Variants in SIL1 observed in about 807,000 individuals in gnomAD.
SIL1 encodes nucleotide exchange factor SIL1.
In SIL1, 40 loss-of-function variants were observed where a neutral mutation model predicts 49.1. The ratio of observed to expected loss-of-function variants is 0.81; its 90% CI spans 0.63 to 1.06. SIL1 has a LOEUF of 1.06. Among genes scored for constraint, SIL1 ranks in the 50% least tolerant of loss-of-function variants. SIL1 has a pLI of 0.00. For missense variants in SIL1, 500 were observed against 572.6 expected (o/e 0.87, Z 1.29); for synonymous variants, 253 against 250.8 (o/e 1.01, Z -0.08).
intron 3 of SIL1, among the ~76,000 whole-genome samples, chr5:139,052,641 G>A (rs1328653863): frequency 2.6e-5 from 4 of 152,136 alleles, no homozygotes; most frequent in Middle Eastern, 6.8e-3. Flanking sequence ...CCAAGATCAC[G>A]CCACTGCACT....
intron 3 of SIL1, among the ~76,000 whole-genome samples, chr5:139,081,621 G>A (rs945846488): frequency 1.3e-5 from 2 of 152,322 alleles, no homozygotes; most frequent in South Asian, 2.1e-4. Flanking sequence ...GCTCACACCT[G>A]TAATCCCAGC....
chr5:139,035,602 A>C, intron 5 of SIL1: 1 of 361,964 alleles, frequency 2.8e-6, no homozygotes, highest in Non-Finnish European at 5.3e-6. Context: ...CAGCACAGAC[A>C]TGGCGCCCAT....
At chr5:139,164,120 A>AC (rs1038159951) in intron 1 of SIL1, among the ~76,000 whole-genome samples, 1 of 151,740 alleles carries the variant, frequency 6.6e-6, no homozygotes, top group African/African-American at 2.4e-5. Context: ...ATGTCTCAAA[A>AC]AAAAAAAAAA....
At chr5:139,031,185 A>T (rs1410243314) in intron 5 of SIL1, among the ~76,000 whole-genome samples, 3 of 152,164 alleles carry the variant, frequency 2.0e-5, no homozygotes, top group African/African-American at 7.2e-5. Context: ...ATGTCATAAG[A>T]ACTCTTTACC....
intron 3 of SIL1, among the ~76,000 whole-genome samples, chr5:139,062,566 C>G (rs1769616130): frequency 6.6e-6 from 1 of 152,184 alleles, no homozygotes; most frequent in Non-Finnish European, 1.5e-5. Context: ...AAAATCTCAT[C>G]CACAGCACCC....
intron 3 of SIL1, among the ~76,000 whole-genome samples, chr5:139,105,450 T>C (rs78584700): frequency 8.9e-4 from 135 of 152,294 alleles, no homozygotes; most frequent in African/African-American, 1.1e-3. Flanking sequence ...CTCACTGCAA[T>C]TGCAGAAATC....
chr5:139,170,306 G>A (rs1189367084), intron 1 of SIL1, among the ~76,000 whole-genome samples: 1 of 152,062 alleles, frequency 6.6e-6, no homozygotes, highest in Admixed American at 6.6e-5. Context: ...GGGAAGTGAG[G>A]AGCGTCTCTG....
intron 3 of SIL1, among the ~76,000 whole-genome samples, chr5:139,057,964 A>G (rs1646065844): frequency 6.6e-6 from 1 of 152,014 alleles, no homozygotes. Flanking sequence ...TGACCTCATC[A>G]CCTCCTAAAG....
intron 7 of SIL1, among the ~76,000 whole-genome samples, chr5:139,009,822 CGA>C (rs1297757406): frequency 7.4e-6 from 1 of 135,938 alleles, no homozygotes; most frequent in African/African-American, 2.7e-5. Context: ...GGGTTTCTGC[CGA>C]GAGATCCGCT....
At chr5:139,165,819 C>T (rs541447846) in intron 1 of SIL1, among the ~76,000 whole-genome samples, 14 of 151,362 alleles carry the variant, frequency 9.2e-5, no homozygotes, top group African/African-American at 2.9e-4. Context: ...CCACCATGCC[C>T]GGCTAATTTT....
At chr5:139,098,021 A>G (rs1175468018) in intron 3 of SIL1, among the ~76,000 whole-genome samples, 1 of 152,214 alleles carries the variant, frequency 6.6e-6, no homozygotes, top group Non-Finnish European at 1.5e-5. Context: ...CATAGTACCC[A>G]AAGCAATCTA....
chr5:139,118,049 G>A (rs946857931), intron 3 of SIL1, among the ~76,000 whole-genome samples: 3 of 152,104 alleles, frequency 2.0e-5, no homozygotes, highest in African/African-American at 7.2e-5. Flanking sequence ...CTGAACTGGG[G>A]ACAATAACTG....
Position 139,078,902 on chromosome 5 carries a change from G to A in SIL1, c.245-27856C>T, listed in dbSNP as rs544594492. On this transcript the variant is annotated intron_variant, in intron 3 of 9. Coordinates refer to ENST00000394817, the MANE Select transcript of SIL1 (RefSeq NM_022464.5). ...GCCATTCACTTTCTAGACCAGCACTGTCCAATAGAACTTTCTGCAATGACA... is the reference window on the plus strand; with the variant it reads ...GCCATTCACTTTCTAGACCAGCACTATCCAATAGAACTTTCTGCAATGACA... Among the ~76,000 whole-genome samples the A allele has an allele frequency of 7.9e-5, 12 of 152,348 alleles. No individual in the cohort carries two copies. In the East Asian group the frequency reaches 2.1e-3, roughly 27 times the overall value.
At chr5:138,982,396 GA>G (rs1767547239) in intron 7 of SIL1, among the ~76,000 whole-genome samples, 1 of 152,178 alleles carries the variant, frequency 6.6e-6, no homozygotes, top group African/African-American at 2.4e-5. Context: ...CCTCCATTAG[GA>G]AAAGGTGAGA....
intron 7 of SIL1, among the ~76,000 whole-genome samples, chr5:138,956,806 C>T (rs1766913067): frequency 1.3e-5 from 2 of 150,742 alleles, no homozygotes; most frequent in South Asian, 2.1e-4. Context: ...ACAACAACAA[C>T]AACAAAAAAC....
At chr5:139,048,402 G>T (rs1489685387) in intron 4 of SIL1, among the ~76,000 whole-genome samples, 1 of 137,606 alleles carries the variant, frequency 7.3e-6, no homozygotes, top group African/African-American at 2.7e-5. Flanking sequence ...TTGAGACAGG[G>T]TCTGGCTCTG....
chr5:139,056,746 G>A (rs536830893), intron 3 of SIL1, among the ~76,000 whole-genome samples: 1 of 150,466 alleles, frequency 6.6e-6, no homozygotes, highest in South Asian at 2.1e-4. Context: ...GGTGAGGGGC[G>A]CCTCTGCCTG....
At chr5:139,098,809 CTT>C (rs59863544) in intron 3 of SIL1, among the ~76,000 whole-genome samples, 1,791 of 88,874 alleles carry the variant, frequency 0.02, 8 homozygotes, top group African/African-American at 0.069. Context: ...TTTTCTTACT[CTT>C]TTTTTTTTTT....
chr5:139,117,409 G>A (rs937826422), intron 3 of SIL1, among the ~76,000 whole-genome samples: 3 of 152,176 alleles, frequency 2.0e-5, no homozygotes, highest in Admixed American at 2.0e-4. Flanking sequence ...ATGCCTGGCA[G>A]AGTCAGTGCT....
Sources: allele counts gnomAD v4.1 joint callset (sites outside exome capture counted in the v4.1 genomes callset), GRCh38; gene constraint gnomAD v4.1.1; transcripts MANE v1.5; gene names NCBI Gene and HGNC (gene_info 2026-07-23, HGNC 2026-07-21).